Variants in LPCAT4 observed in about 807,000 individuals in gnomAD.
LPCAT4 encodes the protein lysophosphatidylcholine acyltransferase 4.
LPCAT4 carries 30 observed loss-of-function variants against 66.5 expected under a neutral mutation model. That is an observed-to-expected ratio of 0.45 (90% CI 0.34 to 0.61). The LOEUF is 0.61. Ranked by LOEUF, LPCAT4 falls within the 20% of genes least tolerant of loss-of-function variation. The pLI is 0.01. For synonymous variants in LPCAT4, 253 were observed against 262.1 expected (o/e 0.97, Z 0.34); for missense variants, 557 against 656.7 (o/e 0.85, Z 1.66).
Position 34,359,716 on chromosome 15 carries a change from G to A in LPCAT4, c.1272C>T (p.Pro424=), listed in dbSNP as rs772588629. ...ELFAEEQAEG[P]NRLLYKDGFS... ...AGCCGTCTTTGTACAGCAGGCGGTT[G>A]GGACCCTCTGCTTGCTCTTCAGCAA... The change falls in exon 13 of 14, where the codon CCC becomes CCT. Residue 424 remains proline, a synonymous_variant. Transcript: ENST00000314891. The A allele has an allele frequency of 6.2e-7, 1 of 1,613,478 alleles. No individual in the cohort carries two copies. The highest frequency in any genetic ancestry group is 8.5e-7 in the Non-Finnish European group (1 of 1,179,928).
chr15:34,362,969 C>G (rs893997116), intron 7 of LPCAT4, 133 bp from the exon 8 acceptor site: 7 of 831,510 alleles, frequency 8.4e-6, no homozygotes, highest in Non-Finnish European at 1.4e-5. Flanking sequence ...TAGGGACAGA[C>G]TCCTAGCCAT....
At chr15:34,364,383 T>C in intron 3 of LPCAT4, 77 bp from the exon 4 acceptor site, 1 of 785,408 alleles carries the variant, frequency 1.3e-6, no homozygotes, top group Non-Finnish European at 2.2e-6. Flanking sequence ...CTCCACTTCC[T>C]CAACAGCATG....
intron 10 of LPCAT4, 73 bp from the exon 11 acceptor site, chr15:34,361,605 C>T: frequency 6.3e-7 from 1 of 1,583,868 alleles, no homozygotes; most frequent in African/African-American, 1.3e-5. Flanking sequence ...GGACTTCAGC[C>T]CCAGTACCAA....
intron 11 of LPCAT4, chr15:34,361,158 A>G: frequency 1.5e-6 from 2 of 1,330,924 alleles, no homozygotes; most frequent in Non-Finnish European, 1.9e-6. Flanking sequence ...TCAGAAATTT[A>G]TAGTCCTTAC....
In LPCAT4 at chr15:34,364,178, T is replaced by C. The variant is rs768521357; in HGVS notation, c.591+16A>G. 6.2e-7 allele frequency: 1 copy of C among 1,602,014 alleles called. No homozygotes were observed. Among genetic ancestry groups the C allele is most frequent in the Non-Finnish European group, 8.6e-7 (1 of 1,169,010 alleles). ...CACATGGAAAGTGAGAAGATGGTCT[T>C]GAGACCCTTACCCACCTGCGGCCAC... On this transcript the variant is annotated intron_variant, in intron 4 of 13. Coordinates refer to ENST00000314891, the MANE Select transcript of LPCAT4 (RefSeq NM_153613.3).
At position 34,359,135 on chromosome 15, in the gene LPCAT4, C is replaced by T; in HGVS notation, c.1567G>A (p.Gly523Arg). The T allele has an allele frequency of 6.2e-7, 1 of 1,602,196 alleles. No homozygotes were observed. Among genetic ancestry groups the T allele is most frequent in the South Asian group, 1.1e-5 (1 of 88,598 alleles). The change falls in exon 14 of 14, where the codon GGA becomes AGA. Residue 523 changes from glycine (G) to arginine (R), a missense_variant. This residue lies in a region of LPCAT4 where 392 missense variants were observed against 473.9 expected (regional missense o/e 0.83). Transcript: ENST00000314891. ...NGTVQAPKQK[G>R]D ...GTGAGAGGCTGAGGCACTCAGTCTC[C>T]CTTCTGCTTGGGTGCTTGCACAGTC...
chr15:34,365,606 G>C lies in LPCAT4; in HGVS notation c.210C>G (p.Ala70=), dbSNP rs753608829. ...CCTGAAGCTGCTCCTCACTAAGACC[G>C]GCCACTTGAAGCCAGGCAAAGGGCC... is the stretch of plus-strand genomic sequence containing the variant. ...LLWPFAWLQV[A]GLSEEQLQEP... Residue 70 remains alanine, a synonymous_variant, in exon 2 of 14, where the codon GCC becomes GCG. Transcript: ENST00000314891. 4 of 1,614,190 alleles carry C rather than the reference G, an allele frequency of 2.5e-6. No homozygotes were observed. Among genetic ancestry groups the C allele is most frequent in the Admixed American group, 1.7e-5 (1 of 60,032 alleles).
rs1891006522 is a variant in LPCAT4, at chr15:34,363,853, T to C, written c.653-134A>G. The C allele has an allele frequency of 7.5e-7, 1 of 1,330,334 alleles. No individual in the cohort carries two copies. Among genetic ancestry groups the C allele is most frequent in the East Asian group, 2.3e-5 (1 of 43,234 alleles). 82.4% of individuals were successfully genotyped at this position (1,330,334 alleles called of 1,614,324 possible). A position where few individuals can be genotyped will look rare whatever the true frequency, so the allele number is the denominator to read the frequency against. On this transcript the variant is annotated intron_variant, in intron 5 of 13. Coordinates refer to ENST00000314891, the MANE Select transcript of LPCAT4 (RefSeq NM_153613.3). This position sits in a 1 kb window ranked among gnomAD's most constrained non-coding sequence, Gnocchi z 4.3. ...TTTGTTCCACTCATTGATAATTTTC[T>C]CTCTGACTCCTCGACTTGACAGCAT...
Position 34,361,431 on chromosome 15 carries a change from G to A in LPCAT4, c.1112C>T (p.Thr371Met), listed in dbSNP as rs146998323. The stretch of plus-strand genomic sequence containing the variant: ...GAAGTAGCCAAAGGCACCAGCCACC[G>A]TCTGAGGATCAGAGAGCTGTAGCTG... ...ARQLQLSDPQTVAGAFGYFQQ... is the reference protein window; with the variant it reads ...ARQLQLSDPQMVAGAFGYFQQ... Residue 371 changes from threonine (T) to methionine (M), a missense_variant, in exon 11 of 14, where the codon ACG becomes ATG. Coordinates refer to ENST00000314891, the MANE Select transcript of LPCAT4 (RefSeq NM_153613.3). 83 of 1,614,066 alleles carry A rather than the reference G, an allele frequency of 5.1e-5. No homozygotes were observed. The highest frequency in any genetic ancestry group is 4.9e-4 in the Middle Eastern group (3 of 6,084).
chr15:34,360,107 T>A lies in LPCAT4; in HGVS notation c.1242+4A>T. 95 of 967,014 alleles carry A rather than the reference T, an allele frequency of 9.8e-5. No homozygotes were observed. The highest frequency in any genetic ancestry group is 1.3e-4 in the Non-Finnish European group (85 of 632,632). 59.9% of individuals were successfully genotyped at this position (967,014 alleles called of 1,614,324 possible). ...CACCCCCCACCACCGCCACCCCCCATTACCTCAAAGGCCAGACGAGTTAGC... is the reference window on the plus strand; with the variant it reads ...CACCCCCCACCACCGCCACCCCCCAATACCTCAAAGGCCAGACGAGTTAGC... On this transcript the variant is annotated splice_donor_region_variant and intron_variant, in intron 12 of 13. Transcript: ENST00000314891.
Position 34,359,203 on chromosome 15 carries a change from G to T in LPCAT4, c.1499C>A (p.Pro500Gln). Residue 500 changes from proline to glutamine, a missense_variant, in exon 14 of 14, where the codon CCA (proline) becomes CAA (glutamine). Pro to Gln is a moderately conservative substitution (Grantham distance 76, BLOSUM62 -1). Around this residue, in one of 4 missense-constraint regions of LPCAT4, gnomAD observed 392 missense variants for 473.9 expected, o/e 0.83. Coordinates refer to ENST00000314891, the MANE Select transcript of LPCAT4 (RefSeq NM_153613.3). Reference sequence around the variant, plus strand: ...GGGGTTGCCTGGGGATGAGGCATTTGGTGTCTGGGAGGTGCCTCGAGAGGT... The same window carrying T: ...GGGGTTGCCTGGGGATGAGGCATTTTGTGTCTGGGAGGTGCCTCGAGAGGT... ...PHTSRGTSQT[P>Q]NASSPGNPTA... 6.2e-7 allele frequency: 1 copy of T among 1,602,914 alleles called. No individual in the cohort carries two copies. Among genetic ancestry groups the T allele is most frequent in the South Asian group, 1.1e-5 (1 of 88,730 alleles).
chr15:34,365,757 C>A, intron 1 of LPCAT4, 56 bp from the exon 2 acceptor site: 1 of 1,585,468 alleles, frequency 6.3e-7, no homozygotes, highest in Non-Finnish European at 8.6e-7. Flanking sequence ...CCCTCCACAG[C>A]ATCCTTCTTC....
Position 34,359,115 on chromosome 15 carries a change from A to G in LPCAT4, c.*12T>C. ...GCTGCCCTGAGGAGGAGGGGGTGAG[A>G]GGCTGAGGCACTCAGTCTCCCTTCT... On this transcript the variant is annotated 3_prime_UTR_variant, in exon 14 of 14. Transcript: ENST00000314891. The G allele has an allele frequency of 6.3e-7, 1 of 1,596,384 alleles. No individual in the cohort carries two copies. Among genetic ancestry groups the G allele is most frequent in the South Asian group, 1.1e-5 (1 of 88,052 alleles).
In LPCAT4 at chr15:34,359,067, G is replaced by A; in HGVS notation, c.*60C>T. On this transcript the variant is annotated 3_prime_UTR_variant, in exon 14 of 14. Transcript: ENST00000314891. The stretch of plus-strand genomic sequence containing the variant: ...TTCAAACAGGAGCAGAGATGGGGCT[G>A]AGGCATAGGGGAGGCCCCTAGCGCT... 7.2e-7 allele frequency: 1 copy of A among 1,393,004 alleles called. No individual in the cohort carries two copies. The highest frequency in any genetic ancestry group is 9.8e-7 in the Non-Finnish European group (1 of 1,024,608). 86.3% of individuals were successfully genotyped at this position (1,393,004 alleles called of 1,614,324 possible).
At chr15:34,361,108 G>A (rs1247465677) in intron 11 of LPCAT4, 1 of 1,009,518 alleles carries the variant, frequency 9.9e-7, no homozygotes, top group South Asian at 2.1e-5. Context: ...ACCCCAAAAG[G>A]TCTTATGATT....
chr15:34,367,158 G>GAGC lies in LPCAT4; in HGVS notation c.-61_-59dup. The GAGC allele has an allele frequency of 7.3e-7, 1 of 1,363,530 alleles. No individual in the cohort carries two copies. The allele number at this position is 1,363,530 out of a possible 1,614,324, so 84.5% of individuals were successfully genotyped here. ...CCCTGGCCCCGGCCACCACTCTGCA[G>GAGC]AGCAGCTGCTGCTGCAGCAGCGGCG... On this transcript the variant is annotated 5_prime_UTR_variant, in exon 1 of 14. Transcript: ENST00000314891.
At position 34,359,136 on chromosome 15, in the gene LPCAT4, C is replaced by A; in HGVS notation, c.1566G>T (p.Lys522Asn). 6.2e-7 allele frequency: 1 copy of A among 1,602,682 alleles called. No individual in the cohort carries two copies. The highest frequency in any genetic ancestry group is 8.5e-7 in the Non-Finnish European group (1 of 1,175,536). ...ANGTVQAPKQKGD is the reference protein window; with the variant it reads ...ANGTVQAPKQNGD Reference sequence around the variant, plus strand: ...TGAGAGGCTGAGGCACTCAGTCTCCCTTCTGCTTGGGTGCTTGCACAGTCC... The same window carrying A: ...TGAGAGGCTGAGGCACTCAGTCTCCATTCTGCTTGGGTGCTTGCACAGTCC... Residue 522 changes from lysine (K) to asparagine (N), a missense_variant, in exon 14 of 14, where the codon AAG becomes AAT. Coordinates refer to ENST00000314891, the MANE Select transcript of LPCAT4 (RefSeq NM_153613.3).
At position 34,364,303 on chromosome 15, in the gene LPCAT4, A is replaced by C; in HGVS notation, c.482T>G (p.Leu161Arg). The C allele has an allele frequency of 6.2e-7, 1 of 1,609,696 alleles. No homozygotes were observed. The highest frequency in any genetic ancestry group is 8.5e-7 in the Non-Finnish European group (1 of 1,176,192). Reference protein sequence around the residue: ...ENLSVPVIGALLRFNQAILVS... With the variant: ...ENLSVPVIGARLRFNQAILVS... ...CAGGATGGCTTGGTTGAATCGAAGA[A>C]GGGCTGGGGTTGGGAAGGATACAAA... The change falls in exon 4 of 14, where the codon CTT becomes CGT. Residue 161 changes from leucine to arginine, a missense_variant. By Grantham distance (102) the Leu-to-Arg change is moderately radical (BLOSUM62 -2). Around this residue, in one of 4 missense-constraint regions of LPCAT4, gnomAD observed 392 missense variants for 473.9 expected, o/e 0.83. Coordinates refer to ENST00000314891, the MANE Select transcript of LPCAT4 (RefSeq NM_153613.3).
chr15:34,366,643 C>G (rs1392931940), intron 1 of LPCAT4, among the ~76,000 whole-genome samples: 1 of 150,686 alleles, frequency 6.6e-6, no homozygotes, highest in African/African-American at 2.4e-5. Context: ...CCCGGCTTCC[C>G]GTAGACTCTA....
Sources: allele counts gnomAD v4.1 joint callset (sites outside exome capture counted in the v4.1 genomes callset), GRCh38; gene constraint gnomAD v4.1.1; regional missense constraint gnomAD v4.1.1; non-coding constraint Gnocchi (gnomAD v3.1); transcripts MANE v1.5; gene names NCBI Gene and HGNC (gene_info 2026-07-23, HGNC 2026-07-21).